SYN3: variants seen among roughly 807,000 people sequenced by gnomAD.
SYN3 encodes the protein synapsin-3.
A neutral mutation model predicts 65.8 loss-of-function variants in SYN3; 35 were observed. The ratio of observed to expected loss-of-function variants is 0.53; its 90% CI spans 0.41 to 0.70. The LOEUF is 0.70. Ranked by LOEUF, SYN3 falls within the 30% of genes least tolerant of loss-of-function variation. SYN3 has a pLI of 0.00. For synonymous variants in SYN3, 270 were observed against 292.9 expected, an observed-to-expected ratio of 0.92 and a Z score of 0.80; for missense variants, 680 against 749.0, an observed-to-expected ratio of 0.91 and a Z score of 1.08.
At chr22:32,825,789 A>T (rs138291808) in intron 6 of SYN3, among the ~76,000 whole-genome samples, 80 of 150,820 alleles carry the variant, frequency 5.3e-4, no homozygotes, top group African/African-American at 1.8e-3. Context: ...GATGTTTATC[A>T]TAGAGTTGTT....
Position 33,034,185 on chromosome 22 carries a change from T to TA in SYN3, c.-163+24106dup, listed in dbSNP as rs200574766. Among the ~76,000 whole-genome samples the TA allele has an allele frequency of 1.4e-4, 19 of 136,528 alleles. 1 individual carries two copies. Among genetic ancestry groups the TA allele is most frequent in the South Asian group, 1.2e-3 (5 of 4,058 alleles). 89.6% of individuals were successfully genotyped at this position (136,528 alleles called of 152,430 possible). A position where few individuals can be genotyped will look rare whatever the true frequency, so the allele number is the denominator to read the frequency against. On this transcript the variant is annotated intron_variant, in intron 1 of 13. Transcript: ENST00000358763. ...TAGGTGACAGAGCAAGACTCTGTGT[T>TA]AAAAAAAAACACACACACACAATTA...
At chr22:32,911,629 C>G (rs1412759585) in intron 4 of SYN3, among the ~76,000 whole-genome samples, 1 of 152,152 alleles carries the variant, frequency 6.6e-6, no homozygotes, top group East Asian at 1.9e-4. Flanking sequence ...ATGTTTCTTT[C>G]TCTCAGCTCC....
At chr22:32,542,077 C>T (rs952254912) in intron 7 of SYN3, among the ~76,000 whole-genome samples, 4 of 152,094 alleles carry the variant, frequency 2.6e-5, no homozygotes, top group Non-Finnish European at 5.9e-5. Context: ...ATGGGGGATG[C>T]GGCACGGGCC....
At chr22:32,774,719 C>T (rs567084828) in intron 6 of SYN3, among the ~76,000 whole-genome samples, 250 of 152,310 alleles carry the variant, frequency 1.6e-3, no homozygotes, top group African/African-American at 5.7e-3. Flanking sequence ...CTCAGCCTCC[C>T]GAGTAGCTGG....
intron 6 of SYN3, among the ~76,000 whole-genome samples, chr22:32,661,552 C>T (rs1330527289): frequency 5.3e-5 from 8 of 152,080 alleles, no homozygotes; most frequent in Non-Finnish European, 7.4e-5. Flanking sequence ...CTCCCCTTGG[C>T]GGCATTGTGC....
chr22:32,780,330 G>A (rs995492276), intron 6 of SYN3, among the ~76,000 whole-genome samples: 3 of 152,094 alleles, frequency 2.0e-5, no homozygotes, highest in Non-Finnish European at 4.4e-5. Context: ...TGTTCTGGGG[G>A]CTAAAATTAC....
At chr22:32,868,260 A>T (rs1190858283) in intron 5 of SYN3, among the ~76,000 whole-genome samples, 1 of 151,698 alleles carries the variant, frequency 6.6e-6, no homozygotes, top group Non-Finnish European at 1.5e-5. Flanking sequence ...ACACCATATC[A>T]TAATGTTATA....
intron 7 of SYN3, among the ~76,000 whole-genome samples, chr22:32,551,673 G>T (rs2058417460): frequency 6.6e-6 from 1 of 152,072 alleles, no homozygotes; most frequent in African/African-American, 2.4e-5. Context: ...TATACTAGAT[G>T]ATATTAAAGA....
intron 7 of SYN3, among the ~76,000 whole-genome samples, chr22:32,591,217 G>A (rs2059123257): frequency 6.6e-6 from 1 of 151,842 alleles, no homozygotes; most frequent in Admixed American, 6.6e-5. Context: ...TCCAAAGACG[G>A]AGACATATGG....
chr22:32,689,237 G>A (rs2060631986), intron 6 of SYN3, among the ~76,000 whole-genome samples: 1 of 152,204 alleles, frequency 6.6e-6, no homozygotes, highest in Non-Finnish European at 1.5e-5. Flanking sequence ...CTCGCTGCAT[G>A]TCAGAATGAG....
chr22:32,677,194 TG>T (rs2147094227), intron 6 of SYN3, among the ~76,000 whole-genome samples: 1 of 152,290 alleles, frequency 6.6e-6, no homozygotes, highest in African/African-American at 2.4e-5. Flanking sequence ...CTCTAGCACC[TG>T]GGATTAAGGA....
intron 7 of SYN3, among the ~76,000 whole-genome samples, chr22:32,568,183 T>C (rs1325143763): frequency 5.3e-5 from 8 of 152,222 alleles, no homozygotes; most frequent in African/African-American, 1.4e-4. Flanking sequence ...CTGGGCTCCC[T>C]GTACCTTTGC....
intron 3 of SYN3, among the ~76,000 whole-genome samples, chr22:32,946,857 T>C (rs1392903189): frequency 2.0e-5 from 3 of 152,136 alleles, no homozygotes; most frequent in African/African-American, 4.8e-5. Flanking sequence ...TAAGGACAAA[T>C]AGGTTTTAAT....
At chr22:32,762,835 A>T (rs1226089709) in intron 6 of SYN3, among the ~76,000 whole-genome samples, 1 of 151,732 alleles carries the variant, frequency 6.6e-6, no homozygotes, top group Non-Finnish European at 1.5e-5. Context: ...GGTAAGGAAA[A>T]TAGTAATCAT....
intron 4 of SYN3, among the ~76,000 whole-genome samples, chr22:32,919,473 A>G (rs951255353): frequency 3.3e-4 from 50 of 152,184 alleles, no homozygotes; most frequent in Admixed American, 5.9e-4. Context: ...GAAAGGAGGA[A>G]GCAGCTTAAT....
chr22:32,655,902 T>C (rs2060135791), intron 6 of SYN3, among the ~76,000 whole-genome samples: 3 of 152,194 alleles, frequency 2.0e-5, no homozygotes, highest in African/African-American at 7.2e-5. Flanking sequence ...AACTAGTCCC[T>C]GGTGCCAAAA....
chr22:32,636,676 C>T (rs766264602), intron 6 of SYN3, among the ~76,000 whole-genome samples: 1 of 152,154 alleles, frequency 6.6e-6, no homozygotes, highest in African/African-American at 2.4e-5. Context: ...GATCTAGACA[C>T]TCTGAATTAT....
intron 6 of SYN3, among the ~76,000 whole-genome samples, chr22:32,811,014 T>C (rs775660757): frequency 5.1e-4 from 77 of 152,174 alleles, no homozygotes; most frequent in Non-Finnish European, 9.4e-4. Flanking sequence ...GTAACTTCAT[T>C]GGCAATTAAG....
intron 3 of SYN3, among the ~76,000 whole-genome samples, chr22:32,938,062 T>C (rs917257030): frequency 1.3e-5 from 2 of 151,912 alleles, no homozygotes; most frequent in African/African-American, 2.4e-5. Flanking sequence ...CAGCAGGACA[T>C]AGAATAACCA....
Sources: allele counts gnomAD v4.1 joint callset (sites outside exome capture counted in the v4.1 genomes callset), GRCh38; gene constraint gnomAD v4.1.1; transcripts MANE v1.5; gene names NCBI Gene and HGNC (gene_info 2026-07-23, HGNC 2026-07-21).